Variants in PCDH15 observed in about 807,000 individuals in gnomAD.
PCDH15 encodes the protein protocadherin-15.
PCDH15 carries 129 observed loss-of-function variants against 178.5 expected under a neutral mutation model. That is an observed-to-expected ratio of 0.72 (90% CI 0.63 to 0.84). PCDH15 has a LOEUF of 0.84. Among genes scored for constraint, PCDH15 ranks in the 40% least tolerant of loss-of-function variants. PCDH15 has a pLI of 0.00. For synonymous variants in PCDH15, 800 were observed against 732.0 expected (o/e 1.09, Z -1.50); for missense variants, 2,230 against 2,099.9 (o/e 1.06, Z -1.21).
chr10:54,487,412 A>G (rs1394616919), intron 3 of PCDH15, among the ~76,000 whole-genome samples: 1 of 152,030 alleles, frequency 6.6e-6, no homozygotes, highest in Admixed American at 6.6e-5. Context: ...TATTCTGGTG[A>G]CGGATACACT....
intron 24 of PCDH15, among the ~76,000 whole-genome samples, chr10:53,939,634 T>G (rs2085877954): frequency 6.6e-6 from 1 of 152,084 alleles, no homozygotes; most frequent in Admixed American, 6.6e-5. Flanking sequence ...TTTTTATTAT[T>G]AATCTCCGCT....
chr10:54,253,996 A>G (rs2056708919), intron 8 of PCDH15, among the ~76,000 whole-genome samples: 1 of 152,128 alleles, frequency 6.6e-6, no homozygotes, highest in East Asian at 1.9e-4. Flanking sequence ...ATACACTAGC[A>G]GTAATTATAT....
At chr10:55,149,490 T>C (rs1030191220) in intron 2 of PCDH15, among the ~76,000 whole-genome samples, 1 of 152,036 alleles carries the variant, frequency 6.6e-6, no homozygotes, top group Non-Finnish European at 1.5e-5. Context: ...ACAAAAAGGA[T>C]GACTTGTTAT....
chr10:54,647,437 T>C (rs2135118333), intron 2 of PCDH15, among the ~76,000 whole-genome samples: 1 of 152,104 alleles, frequency 6.6e-6, no homozygotes, highest in South Asian at 2.1e-4. Flanking sequence ...TCTAGAAACC[T>C]GATGAATAAC....
chr10:54,230,062 C>T (rs2053887942), intron 9 of PCDH15, among the ~76,000 whole-genome samples: 2 of 152,080 alleles, frequency 1.3e-5, no homozygotes, highest in African/African-American at 4.8e-5. Context: ...GGGATCAGGC[C>T]TTCAGAAGTT....
chr10:54,568,522 C>T (rs7903542), intron 2 of PCDH15: 142,482 of 152,152 alleles, frequency 0.94, 66,992 homozygotes, highest in Middle Eastern at 0.98. Context: ...GTATAATTTA[C>T]ATTCAGTGAA....
At chr10:54,780,657 G>A (rs1293170070) in intron 1 of PCDH15, among the ~76,000 whole-genome samples, 3 of 150,934 alleles carry the variant, frequency 2.0e-5, no homozygotes, top group Admixed American at 2.0e-4. Context: ...CAAAGAGTAG[G>A]GCTCCACACA....
intron 3 of PCDH15, among the ~76,000 whole-genome samples, chr10:54,469,655 A>T (rs2077760597): frequency 6.6e-6 from 1 of 152,138 alleles, no homozygotes; most frequent in Non-Finnish European, 1.5e-5. Flanking sequence ...TGGTGTCAGC[A>T]GGTCTATGTA....
At chr10:55,447,945 C>A (rs577300497) in intron 2 of PCDH15, among the ~76,000 whole-genome samples, 80 of 152,002 alleles carry the variant, frequency 5.3e-4, no homozygotes, top group African/African-American at 1.9e-3. Context: ...GAGTCACACA[C>A]ACAGTAGCTT....
chr10:54,130,867 C>A (rs756315963), intron 15 of PCDH15, among the ~76,000 whole-genome samples: 3 of 152,106 alleles, frequency 2.0e-5, no homozygotes, highest in African/African-American at 7.2e-5. Context: ...AGTAATTTGA[C>A]GGGAGCTTTT....
chr10:54,984,566 C>A (rs1839318617), intron 2 of PCDH15, among the ~76,000 whole-genome samples: 1 of 152,176 alleles, frequency 6.6e-6, no homozygotes, highest in South Asian at 2.1e-4. Flanking sequence ...TGGCTGGGCA[C>A]AGTGGCGCAT....
At chr10:55,369,576 A>G (rs1439420365) in intron 2 of PCDH15, among the ~76,000 whole-genome samples, 1 of 152,112 alleles carries the variant, frequency 6.6e-6, no homozygotes, top group Non-Finnish European at 1.5e-5. Flanking sequence ...TACATTAACT[A>G]AAAATATAAT....
intron 2 of PCDH15, among the ~76,000 whole-genome samples, chr10:55,005,329 C>A (rs1223075838): frequency 6.6e-6 from 1 of 151,846 alleles, no homozygotes; most frequent in Admixed American, 6.6e-5. Context: ...TATATTTCTA[C>A]ATAAATTATC....
At chr10:54,667,785 T>C (rs1020665437) in intron 1 of PCDH15, among the ~76,000 whole-genome samples, 1 of 152,254 alleles carries the variant, frequency 6.6e-6, no homozygotes, top group African/African-American at 2.4e-5. Context: ...AGGTGACCTA[T>C]AAATAAATAT....
At chr10:55,431,462 GA>G (rs1383943174) in intron 2 of PCDH15, among the ~76,000 whole-genome samples, 2 of 151,920 alleles carry the variant, frequency 1.3e-5, no homozygotes, top group Non-Finnish European at 2.9e-5. Flanking sequence ...AGCTCTGAAG[GA>G]AAAAATCCAG....
At chr10:55,589,095 A>AAG (rs1403859586) in intron 2 of PCDH15, among the ~76,000 whole-genome samples, 1 of 151,658 alleles carries the variant, frequency 6.6e-6, no homozygotes, top group African/African-American at 2.4e-5. Context: ...AAAAAAAAAA[A>AAG]AAAAAAGAAA....
intron 8 of PCDH15, among the ~76,000 whole-genome samples, chr10:54,288,875 C>A (rs950167761): frequency 2.0e-5 from 3 of 152,228 alleles, no homozygotes; most frequent in African/African-American, 4.8e-5. Context: ...TCGAACTGGG[C>A]AGAGCCCACC....
intron 8 of PCDH15, among the ~76,000 whole-genome samples, chr10:54,275,548 A>G (rs1027622959): frequency 3.3e-5 from 5 of 151,874 alleles, no homozygotes; most frequent in Admixed American, 2.6e-4. Context: ...AAATATTTAA[A>G]TTAGTCCATG....
chr10:54,372,587 A>G (rs2134815920), intron 4 of PCDH15, among the ~76,000 whole-genome samples: 1 of 152,040 alleles, frequency 6.6e-6, no homozygotes, highest in Middle Eastern at 3.4e-3. Context: ...TCCATTAGTG[A>G]GAGTTTAGGG....
Sources: gnomAD v4.1 joint callset for allele counts (sites outside exome capture counted in the v4.1 genomes callset) on GRCh38, gnomAD v4.1.1 for gene constraint, MANE v1.5 for transcripts, NCBI Gene and HGNC (gene_info 2026-07-23, HGNC 2026-07-21) for gene names.